The following RAB9B variants were observed in gnomAD, a reference collection of about 807,000 sequenced individuals.
RAB9B encodes the protein ras-related protein Rab-9B.
RAB9B carries 1 observed loss-of-function variant against 8.9 expected under a neutral mutation model. That is an observed-to-expected ratio of 0.11 (90% confidence interval 0.04 to 0.53). The LOEUF is 0.53. Ranked by LOEUF, RAB9B falls within the 20% of genes least tolerant of loss-of-function variation. RAB9B has a pLI of 0.93. For synonymous variants in RAB9B, 63 were observed against 57.0 expected, an observed-to-expected ratio of 1.10 and a Z score of -0.47; for missense variants, 82 against 152.9, an observed-to-expected ratio of 0.54 and a Z score of 2.45.
the RAB9B span, among the ~76,000 whole-genome samples, chrX:103,803,475 A>G: frequency 8.9e-6 from 1 of 112,667 alleles, no homozygotes. Flanking sequence ...CTTTTCATGT[A>G]CTTATGGTCC....
intron 1 of RAB9B, among the ~76,000 whole-genome samples, chrX:103,831,842 T>C (rs940141854): frequency 4.5e-5 from 5 of 110,918 alleles, no homozygotes; most frequent in African/African-American, 1.3e-4. Context: ...TGCTCGGCTC[T>C]GGCAGCAGCT....
intron 1 of RAB9B, among the ~76,000 whole-genome samples, chrX:103,828,090 T>C (rs1372161157): frequency 8.9e-6 from 1 of 111,839 alleles, no homozygotes; most frequent in African/African-American, 3.2e-5. Context: ...AGAGTACTGG[T>C]TTAAGAAGAA....
chrX:103,808,852 C>T, the RAB9B span, among the ~76,000 whole-genome samples: 2 of 113,172 alleles, frequency 1.8e-5, no homozygotes, highest in African/African-American at 6.4e-5. Flanking sequence ...TGCCCAAGAC[C>T]TGGCTAGCTT....
the RAB9B span, among the ~76,000 whole-genome samples, chrX:103,809,005 C>T: frequency 8.9e-6 from 1 of 112,679 alleles, no homozygotes; most frequent in Non-Finnish European, 1.9e-5. Flanking sequence ...TAGTGAAATT[C>T]ATATGTTGAA....
chrX:103,805,381 C>T, the RAB9B span, among the ~76,000 whole-genome samples: 3 of 111,830 alleles, frequency 2.7e-5, no homozygotes, highest in South Asian at 7.4e-4. Context: ...TGTTGCCTGA[C>T]TCAGTTTTCT....
the RAB9B span, chrX:103,790,940 A>G: frequency 3.6e-6 from 1 of 276,668 alleles, no homozygotes; most frequent in African/African-American, 2.7e-5. Context: ...CTCAAAGGGT[A>G]CTTCCACTGA....
chrX:103,798,709 C>A, the RAB9B span, among the ~76,000 whole-genome samples: 1 of 104,430 alleles, frequency 9.6e-6, no homozygotes, highest in Non-Finnish European at 1.9e-5. Context: ...GGGGTGCGAT[C>A]TCGGCTCACT....
At chrX:103,810,444 T>C in the RAB9B span, among the ~76,000 whole-genome samples, 1 of 112,141 alleles carries the variant, frequency 8.9e-6, no homozygotes, top group Non-Finnish European at 1.9e-5. Context: ...TTTGAGACTT[T>C]AAGCAGGTCA....
At chrX:103,794,676 T>G in the RAB9B span, among the ~76,000 whole-genome samples, 1 of 112,573 alleles carries the variant, frequency 8.9e-6, no homozygotes, top group South Asian at 3.7e-4. Flanking sequence ...ACATTAACAG[T>G]TAACTTCATG....
downstream of RAB9B, among the ~76,000 whole-genome samples, chrX:103,821,556 T>TAAA (rs1166805766): frequency 8.9e-6 from 1 of 111,771 alleles, no homozygotes; most frequent in Non-Finnish European, 1.9e-5. Flanking sequence ...AGCCATTGGG[T>TAAA]GCTAATGTAT....
chrX:103,827,872 GCC>G (rs935566159), intron 1 of RAB9B, among the ~76,000 whole-genome samples: 1 of 111,016 alleles, frequency 9.0e-6, no homozygotes, highest in African/African-American at 3.3e-5. Context: ...TCACCATGTT[GCC>G]CAGGTTGGTT....
At chrX:103,788,649 C>T in the RAB9B span, 2 of 577,315 alleles carry the variant, frequency 3.5e-6, no homozygotes, top group Non-Finnish European at 6.2e-6. Context: ...AACATGTTGG[C>T]TAAGTGTGCC....
At chrX:103,798,493 A>T in the RAB9B span, among the ~76,000 whole-genome samples, 3 of 111,881 alleles carry the variant, frequency 2.7e-5, no homozygotes, top group Non-Finnish European at 5.6e-5. Flanking sequence ...AGATTCATAG[A>T]TGTAAATGGA....
chrX:103,776,554 C>G, the RAB9B span: 287 of 144,357 alleles, frequency 2.0e-3, 2 homozygotes, highest in East Asian at 0.02. Flanking sequence ...CCAATTAGAC[C>G]CAAGGATCAG....
chrX:103,818,606 AC>A (rs1278044609), downstream of RAB9B, among the ~76,000 whole-genome samples: 11 of 111,305 alleles, frequency 9.9e-5, no homozygotes, highest in African/African-American at 3.6e-4. Context: ...ATTGTGGTAA[AC>A]CCTTCAATAC....
At chrX:103,787,651 G>A in the RAB9B span, 5 of 544,006 alleles carry the variant, frequency 9.2e-6, no homozygotes, top group South Asian at 1.2e-4. Flanking sequence ...CCTTGGCAGA[G>A]GTGCCCTGCT....
At chrX:103,786,432 T>G in the RAB9B span, 1 of 1,194,716 alleles carries the variant, frequency 8.4e-7, no homozygotes, top group Non-Finnish European at 1.1e-6. Flanking sequence ...TTAATAAGAT[T>G]CCCTGGTCTC....
At chrX:103,799,671 C>A in the RAB9B span, among the ~76,000 whole-genome samples, 20 of 112,106 alleles carry the variant, frequency 1.8e-4, no homozygotes, top group African/African-American at 6.1e-4. Context: ...TTCAATAACG[C>A]TGTTTTAAAA....
chrX:103,777,643 C>T, the RAB9B span, among the ~76,000 whole-genome samples: 7 of 112,053 alleles, frequency 6.2e-5, no homozygotes, highest in Non-Finnish European at 1.3e-4. Context: ...ATATCACAGA[C>T]ACAGCTTTCC....
Sources: gnomAD v4.1 joint callset for allele counts (sites outside exome capture counted in the v4.1 genomes callset) on GRCh38, gnomAD v4.1.1 for gene constraint, MANE v1.5 for transcripts, NCBI Gene and HGNC (gene_info 2026-07-23, HGNC 2026-07-21) for gene names.